Variants in PIP5K1B observed in about 807,000 individuals in gnomAD.
PIP5K1B encodes the protein phosphatidylinositol 4-phosphate 5-kinase type-1 beta.
A neutral mutation model predicts 67.0 loss-of-function variants in PIP5K1B; 42 were observed. The observed-to-expected ratio is 0.63, with a 90% CI of 0.49 to 0.81. The LOEUF (loss-of-function observed/expected upper bound fraction) is 0.81, where lower values mean the gene tolerates loss of function less well. Ranked by LOEUF, PIP5K1B falls within the 30% of genes least tolerant of loss-of-function variation. The probability of loss-of-function intolerance (pLI) is 0.00; values close to 1 mark genes in which losing one functional copy is unlikely to be tolerated. For missense variants in PIP5K1B, 459 were observed against 646.3 expected (o/e 0.71, Z 3.14); for synonymous variants, 214 against 231.4 (o/e 0.92, Z 0.68).
intron 14 of PIP5K1B, among the ~76,000 whole-genome samples, chr9:68,942,349 G>A (rs768387134): frequency 7.9e-5 from 12 of 152,204 alleles, no homozygotes; most frequent in Admixed American, 4.6e-4. Flanking sequence ...ATTTCTTACC[G>A]TTTGCTGTCA....
intron 2 of PIP5K1B, among the ~76,000 whole-genome samples, chr9:68,779,464 A>G (rs942078918): frequency 2.6e-5 from 4 of 152,108 alleles, no homozygotes; most frequent in Admixed American, 1.3e-4. Context: ...ATCTCCCAAT[A>G]TGTATTCTCC....
Position 68,953,585 on chromosome 9 carries a change from G to A in PIP5K1B, c.1502+12795G>A, listed in dbSNP as rs189626921. On this transcript the variant is annotated intron_variant, in intron 14 of 15. Transcript: ENST00000265382. The stretch of plus-strand genomic sequence containing the variant: ...AATCCCAGCATATTTGGAGGCCGAG[G>A]TAGGAGGACTGTTGGAGCCCAGGAG... 2.6e-3 allele frequency among the ~76,000 whole-genome samples: 389 copies of A among 152,100 alleles called. 1 individual carries two copies. Among genetic ancestry groups the A allele is most frequent in the Non-Finnish European group, 4.6e-3 (315 of 67,988 alleles).
intron 4 of PIP5K1B, among the ~76,000 whole-genome samples, chr9:68,838,684 C>A (rs1821759704): frequency 6.6e-6 from 1 of 152,090 alleles, no homozygotes; most frequent in Non-Finnish European, 1.5e-5. Flanking sequence ...GATTGCACCC[C>A]AAACCTCAGC....
chr9:68,953,882 A>G (rs1428300041), intron 14 of PIP5K1B, among the ~76,000 whole-genome samples: 5 of 150,952 alleles, frequency 3.3e-5, no homozygotes, highest in Admixed American at 2.0e-4. Flanking sequence ...CCAGCAAGCT[A>G]TTGAGCTGGT....
rs149497865 is a variant in PIP5K1B, at chr9:68,925,361, C to T, written c.1201+1975C>T. Among the ~76,000 whole-genome samples the T allele has an allele frequency of 4.7e-3, 717 of 152,192 alleles. 9 individuals carry two copies. Among genetic ancestry groups the T allele is most frequent in the African/African-American group, 0.016 (675 of 41,522 alleles). ...AGGTTCCCACGAGGCCATGAGAGCC[C>T]GTATTCTGCCAGCCCTTAGCCAGCA... On this transcript the variant is annotated intron_variant, in intron 12 of 15. Transcript: ENST00000265382.
At chr9:68,775,150 G>A (rs189887378) in intron 2 of PIP5K1B, among the ~76,000 whole-genome samples, 4 of 152,302 alleles carry the variant, frequency 2.6e-5, no homozygotes, top group Non-Finnish European at 1.5e-5. Context: ...AATGCTTTCT[G>A]TTCATGTCTT....
intron 2 of PIP5K1B, among the ~76,000 whole-genome samples, chr9:68,799,225 G>A (rs1427000981): frequency 6.6e-6 from 1 of 152,132 alleles, no homozygotes; most frequent in Non-Finnish European, 1.5e-5. Context: ...ATTTTAAAAA[G>A]CATTTGGAGT....
At chr9:68,938,155 T>G (rs1827366469) in intron 13 of PIP5K1B, among the ~76,000 whole-genome samples, 1 of 152,312 alleles carries the variant, frequency 6.6e-6, no homozygotes, top group Middle Eastern at 3.4e-3. Context: ...AATATCCTTG[T>G]TAATTTTCTG....
intron 4 of PIP5K1B, among the ~76,000 whole-genome samples, chr9:68,853,934 A>G (rs1045501046): frequency 1.3e-5 from 2 of 152,154 alleles, no homozygotes; most frequent in African/African-American, 4.8e-5. Context: ...AAAAGAGAAG[A>G]GAGGCTCCCA....
intron 14 of PIP5K1B, among the ~76,000 whole-genome samples, chr9:68,942,685 T>C (rs1827623943): frequency 6.6e-6 from 1 of 152,218 alleles, no homozygotes; most frequent in African/African-American, 2.4e-5. Flanking sequence ...CTGACTAGCA[T>C]ATAGATTTGG....
intron 5 of PIP5K1B, among the ~76,000 whole-genome samples, chr9:68,875,270 G>A (rs931734456): frequency 3.8e-5 from 4 of 104,186 alleles, no homozygotes; most frequent in African/African-American, 1.5e-4. Flanking sequence ...AACAACACAA[G>A]CCAGCTCCAT....
At chr9:68,789,222 A>T (rs1353283491) in intron 2 of PIP5K1B, 1 of 504,834 alleles carries the variant, frequency 2.0e-6, no homozygotes, top group Non-Finnish European at 3.8e-6. Context: ...GCTTCCTGTG[A>T]TGGTGTTGAC....
intron 14 of PIP5K1B, among the ~76,000 whole-genome samples, chr9:68,968,624 C>T (rs1340625148): frequency 6.6e-6 from 1 of 151,174 alleles, no homozygotes; most frequent in African/African-American, 2.4e-5. Flanking sequence ...CATGATATTT[C>T]AATACATTCT....
At chr9:68,757,814 C>A (rs1035869750) in intron 2 of PIP5K1B, among the ~76,000 whole-genome samples, 1 of 152,032 alleles carries the variant, frequency 6.6e-6, no homozygotes, top group Non-Finnish European at 1.5e-5. Flanking sequence ...GATTCCAGTT[C>A]CAGATAAGAT....
chr9:68,924,172 C>G (rs565919717), intron 12 of PIP5K1B, among the ~76,000 whole-genome samples: 1 of 149,168 alleles, frequency 6.7e-6, no homozygotes, highest in East Asian at 2.0e-4. Context: ...GAGGCTGAGG[C>G]GGGCAGATCA....
intron 12 of PIP5K1B, among the ~76,000 whole-genome samples, chr9:68,923,866 A>G (rs1017959606): frequency 2.6e-5 from 4 of 152,196 alleles, no homozygotes; most frequent in African/African-American, 9.7e-5. Context: ...AATGACTGAA[A>G]TCATACAAAG....
chr9:68,958,210 T>C (rs1490448526), intron 14 of PIP5K1B, among the ~76,000 whole-genome samples: 1 of 152,116 alleles, frequency 6.6e-6, no homozygotes, highest in Admixed American at 6.5e-5. Context: ...TGCCATATAA[T>C]GGGTAGAATA....
At chr9:68,720,359 C>T (rs1051179225) in intron 1 of PIP5K1B, among the ~76,000 whole-genome samples, 1 of 152,140 alleles carries the variant, frequency 6.6e-6, no homozygotes, top group African/African-American at 2.4e-5. Flanking sequence ...AACCCCACGC[C>T]CCATGGTCTC....
At chr9:68,967,878 AC>A (rs906277503) in intron 14 of PIP5K1B, among the ~76,000 whole-genome samples, 1 of 151,996 alleles carries the variant, frequency 6.6e-6, no homozygotes, top group Non-Finnish European at 1.5e-5. Flanking sequence ...TCAAAGGCTC[AC>A]CCCCATGGGG....
Sources: allele counts gnomAD v4.1 joint callset (sites outside exome capture counted in the v4.1 genomes callset), GRCh38; gene constraint gnomAD v4.1.1; transcripts MANE v1.5; gene names NCBI Gene and HGNC (gene_info 2026-07-23, HGNC 2026-07-21).